Variants in ERC2 observed in about 807,000 individuals in gnomAD.
ERC2 encodes ERC protein 2.
Under a neutral mutation model 114.8 loss-of-function variants are expected in ERC2, and 42 were observed. The observed-to-expected ratio is 0.37, with a 90% confidence interval of 0.29 to 0.47. The LOEUF (loss-of-function observed/expected upper bound fraction) is 0.47. Among genes scored for constraint, ERC2 ranks in the 20% least tolerant of loss-of-function variants. The pLI, the probability that ERC2 is intolerant of heterozygous loss-of-function variation, is 0.99. For missense variants in ERC2, 939 were observed against 1,150.7 expected (o/e 0.82, Z 2.66); for synonymous variants, 454 against 425.5 (o/e 1.07, Z -0.82).
intron 2 of ERC2, among the ~76,000 whole-genome samples, chr3:56,361,805 CT>C (rs2058967797): frequency 6.6e-6 from 1 of 152,130 alleles, no homozygotes; most frequent in East Asian, 1.9e-4. Context: ...GCATTTTCCC[CT>C]GGGAGATGCA....
chr3:56,181,487 T>A lies in ERC2; in HGVS notation c.1075-7967A>T, dbSNP rs574410487. Among the ~76,000 whole-genome samples the A allele has an allele frequency of 2.0e-5, 3 of 152,222 alleles. No individual in the cohort carries two copies. The South Asian group carries it at 6.2e-4, about 32-fold the overall frequency. Reference sequence around the variant, plus strand: ...ATGGCCCTGCAAAGCTGAAAATAGTTACGATCTGGCCCTTTATAGAAAAGT... The same window carrying A: ...ATGGCCCTGCAAAGCTGAAAATAGTAACGATCTGGCCCTTTATAGAAAAGT... On this transcript the variant is annotated intron_variant, in intron 3 of 17. Coordinates refer to ENST00000288221, the MANE Select transcript of ERC2 (RefSeq NM_015576.3).
chr3:56,015,724 G>A (rs1361248506), intron 8 of ERC2, among the ~76,000 whole-genome samples: 2 of 152,188 alleles, frequency 1.3e-5, no homozygotes, highest in Non-Finnish European at 2.9e-5. Flanking sequence ...TATATACCCA[G>A]TAATGGGATT....
intron 13 of ERC2, among the ~76,000 whole-genome samples, chr3:55,897,007 T>A (rs143714273): frequency 6.6e-6 from 1 of 152,254 alleles, no homozygotes; most frequent in Non-Finnish European, 1.5e-5. Context: ...AATGAAGTCA[T>A]CACCTGGCTT....
chr3:55,906,193 G>GTCAAAGTA, intron 13 of ERC2, among the ~76,000 whole-genome samples: 1 of 152,040 alleles, frequency 6.6e-6, no homozygotes, highest in Non-Finnish European at 1.5e-5. Context: ...AGTGGCAGGG[G>GTCAAAGTA]GGGCCGGGCG....
intron 13 of ERC2, among the ~76,000 whole-genome samples, chr3:55,919,885 G>A (rs2065317135): frequency 6.6e-6 from 1 of 152,124 alleles, no homozygotes; most frequent in South Asian, 2.1e-4. Context: ...GTGCGTTCAA[G>A]GAATAAGGAG....
At chr3:55,904,371 C>G (rs1271080635) in intron 13 of ERC2, among the ~76,000 whole-genome samples, 1 of 152,088 alleles carries the variant, frequency 6.6e-6, no homozygotes, top group Non-Finnish European at 1.5e-5. Context: ...GCCCCCTGAT[C>G]GAAAATACAG....
chr3:56,065,564 T>C (rs546404912), intron 7 of ERC2, among the ~76,000 whole-genome samples: 18 of 152,182 alleles, frequency 1.2e-4, no homozygotes, highest in Middle Eastern at 3.4e-3. Context: ...CCAGGATACA[T>C]GTGCAGAACG....
chr3:55,532,768 G>C (rs930658034), intron 17 of ERC2, among the ~76,000 whole-genome samples: 4 of 152,178 alleles, frequency 2.6e-5, no homozygotes, highest in African/African-American at 9.7e-5. Context: ...GGTACTATCA[G>C]GCTCCTTCTT....
intron 3 of ERC2, among the ~76,000 whole-genome samples, chr3:56,276,209 C>T (rs1214527546): frequency 1.3e-5 from 2 of 152,068 alleles, no homozygotes; most frequent in Non-Finnish European, 2.9e-5. Flanking sequence ...CCAGAAACTG[C>T]CCAGAGTTTC....
rs1576033318 is a variant in ERC2, at chr3:55,888,451, T to C, written c.2502A>G (p.Glu834=). ...ASTQQSLAEK[E]AHLANLRIER... ...CAATCCGGAGGTTGGCCAAGTGCGC[T>C]TCTTTTTCGGCCAGGGACTGTTGTG... Residue 834 remains glutamate, a synonymous_variant, in exon 14 of 18, where the codon GAA becomes GAG. Coordinates refer to ENST00000288221, the MANE Select transcript of ERC2 (RefSeq NM_015576.3). 6.2e-7 allele frequency: 1 copy of C among 1,613,912 alleles called. No individual in the cohort carries two copies. Among genetic ancestry groups the C allele is most frequent in the Non-Finnish European group, 8.5e-7 (1 of 1,179,852 alleles).
intron 17 of ERC2, among the ~76,000 whole-genome samples, chr3:55,526,060 A>T (rs555580104): frequency 6.6e-6 from 1 of 152,192 alleles, no homozygotes; most frequent in Admixed American, 6.5e-5. Flanking sequence ...AAAATTGGAC[A>T]CAGAGACACA....
intron 3 of ERC2, among the ~76,000 whole-genome samples, chr3:56,215,591 G>C (rs1244584318): frequency 6.6e-6 from 1 of 152,176 alleles, no homozygotes; most frequent in Non-Finnish European, 1.5e-5. Context: ...CAATGGGACA[G>C]AAAGTTAACA....
At chr3:55,745,651 G>A (rs2066259564) in intron 14 of ERC2, among the ~76,000 whole-genome samples, 1 of 152,212 alleles carries the variant, frequency 6.6e-6, no homozygotes, top group South Asian at 2.1e-4. Flanking sequence ...GGTTATAGAT[G>A]AGTGATAATG....
chr3:56,258,461 T>C (rs931764291), intron 3 of ERC2, among the ~76,000 whole-genome samples: 1 of 152,118 alleles, frequency 6.6e-6, no homozygotes, highest in East Asian at 1.9e-4. Context: ...ATTGAGACCA[T>C]CCTGTGAATG....
chr3:56,466,690 C>G (rs955995609), intron 1 of ERC2, among the ~76,000 whole-genome samples: 1 of 152,172 alleles, frequency 6.6e-6, no homozygotes, highest in Non-Finnish European at 1.5e-5. Flanking sequence ...CTAAAAGAAT[C>G]CCTTCTATTC....
At position 55,653,564 on chromosome 3, in the gene ERC2, A is replaced by AGTGTGTGT. The variant is rs36231107; in HGVS notation, c.*39+30222_*39+30229dup. On this transcript the variant is annotated intron_variant, in intron 17 of 17. Coordinates refer to ENST00000288221, the MANE Select transcript of ERC2 (RefSeq NM_015576.3). ...ATAGAACAATCTCAAACCTGGTAAA[A>AGTGTGTGT]GTGTGTGTGTGTGTGTGTGTGTGTG... is the stretch of plus-strand genomic sequence containing the variant. Among the ~76,000 whole-genome samples, 53 of 141,294 alleles carry AGTGTGTGT rather than the reference A, an allele frequency of 3.8e-4. 1 individual carries two copies. Among genetic ancestry groups the AGTGTGTGT allele is most frequent in the African/African-American group, 1.3e-3 (49 of 38,128 alleles). 92.7% of individuals were successfully genotyped at this position (141,294 alleles called of 152,430 possible). A position where few individuals can be genotyped will look rare whatever the true frequency, so the allele number is the denominator to read the frequency against.
At chr3:56,141,836 C>T (rs929441800) in intron 5 of ERC2, among the ~76,000 whole-genome samples, 1 of 152,266 alleles carries the variant, frequency 6.6e-6, no homozygotes, top group Non-Finnish European at 1.5e-5. Flanking sequence ...CTGGATTCAG[C>T]TTGCTAATAT....
intron 3 of ERC2, among the ~76,000 whole-genome samples, chr3:56,247,910 G>T (rs2051828578): frequency 6.6e-6 from 1 of 152,196 alleles, no homozygotes. Flanking sequence ...CTCATGTAAA[G>T]AGTTTAACAT....
At chr3:55,619,807 C>T (rs1358987635) in intron 17 of ERC2, among the ~76,000 whole-genome samples, 1 of 152,176 alleles carries the variant, frequency 6.6e-6, no homozygotes, top group African/African-American at 2.4e-5. Flanking sequence ...CCTGCCAAAG[C>T]ACCATAACGC....
Sources: gnomAD v4.1 joint callset for allele counts (sites outside exome capture counted in the v4.1 genomes callset) on GRCh38, gnomAD v4.1.1 for gene constraint, MANE v1.5 for transcripts, NCBI Gene and HGNC (gene_info 2026-07-23, HGNC 2026-07-21) for gene names.